Variants in FLACC1 observed in about 807,000 individuals in gnomAD.
FLACC1 encodes the protein flagellum associated containing coiled-coil domains 1.
FLACC1 carries 66 observed loss-of-function variants against 62.8 expected under a neutral mutation model. That is an observed-to-expected ratio of 1.05 (90% CI 0.86 to 1.29). The LOEUF is 1.29. Among genes scored for constraint, FLACC1 ranks in the 50% most tolerant of loss-of-function variants. FLACC1 has a pLI of 0.00. For synonymous variants in FLACC1, 156 were observed against 161.0 expected (o/e 0.97, Z 0.24); for missense variants, 452 against 489.1 (o/e 0.92, Z 0.71).
chr2:201,302,603 T>A (rs1242013379), intron 11 of FLACC1, among the ~76,000 whole-genome samples: 2 of 152,146 alleles, frequency 1.3e-5, no homozygotes, highest in African/African-American at 2.4e-5. Context: ...TACAGAACTC[T>A]CCACCCCAAA....
chr2:201,308,001 G>C (rs1000945470), intron 10 of FLACC1, among the ~76,000 whole-genome samples: 1 of 152,200 alleles, frequency 6.6e-6, no homozygotes, highest in Non-Finnish European at 1.5e-5. Context: ...AATTCATCCT[G>C]TACTTAGTGC....
At chr2:201,333,097 G>T (rs1950626325) in intron 7 of FLACC1, among the ~76,000 whole-genome samples, 1 of 152,084 alleles carries the variant, frequency 6.6e-6, no homozygotes, top group African/African-American at 2.4e-5. Context: ...GGATCATATG[G>T]TATTACTATT....
intron 10 of FLACC1, among the ~76,000 whole-genome samples, chr2:201,308,003 A>G (rs1950141177): frequency 6.6e-6 from 1 of 152,190 alleles, no homozygotes; most frequent in African/African-American, 2.4e-5. Context: ...TTCATCCTGT[A>G]CTTAGTGCTG....
chr2:201,330,587 T>C, intron 8 of FLACC1, 65 bp from the exon 9 acceptor site: 3 of 1,575,892 alleles, frequency 1.9e-6, no homozygotes, highest in Non-Finnish European at 8.7e-7. Context: ...CAAATTCAAA[T>C]GTGAGTTCTT....
chr2:201,339,909 T>G lies in FLACC1; in HGVS notation c.524+2461A>C, dbSNP rs568839538. Among the ~76,000 whole-genome samples, 26 of 152,174 alleles carry G rather than the reference T, an allele frequency of 1.7e-4. No homozygotes were observed. In the East Asian group the frequency reaches 3.9e-3, roughly 23 times the overall value. On this transcript the variant is annotated intron_variant, in intron 7 of 14. Transcript: ENST00000392257. ...GCAGGTAGGTAGGTTCACGGACCCATTGGCAGTGGGTGTGTTGTGGCTGAT... is the reference window on the plus strand; with the variant it reads ...GCAGGTAGGTAGGTTCACGGACCCAGTGGCAGTGGGTGTGTTGTGGCTGAT...
chr2:201,345,877 A>G (rs575835742), intron 5 of FLACC1, among the ~76,000 whole-genome samples: 2 of 152,202 alleles, frequency 1.3e-5, no homozygotes, highest in South Asian at 2.1e-4. Flanking sequence ...GACATAATGA[A>G]AAAGAGGCTG....
chr2:201,339,074 T>TTTTTTTTTTTTTTTTTTTTTTG (rs1950752663), intron 7 of FLACC1, among the ~76,000 whole-genome samples: 1 of 152,200 alleles, frequency 6.6e-6, no homozygotes, highest in African/African-American at 2.4e-5. Context: ...GACTTTTTAT[T>TTTTTTTTTTTTTTTTTTTTTTG]ACTGATTCAA....
rs979233408 is a variant in FLACC1, at chr2:201,352,442, A to G, written c.-47-991T>C. ...TATCTTCTTTCTTTTCCAGAATCCA[A>G]CTAAAATTAGAGTACAGCATTAAAA... On this transcript the variant is annotated intron_variant, in intron 1 of 14. Coordinates refer to ENST00000392257, the MANE Select transcript of FLACC1 (RefSeq NM_001127391.3). Among the ~76,000 whole-genome samples, 4 of 152,354 alleles carry G rather than the reference A, an allele frequency of 2.6e-5. No homozygotes were observed. The East Asian group carries it at 7.7e-4, about 29-fold the overall frequency.
At chr2:201,336,000 T>C (rs1195203463) in intron 7 of FLACC1, among the ~76,000 whole-genome samples, 1 of 152,100 alleles carries the variant, frequency 6.6e-6, no homozygotes, top group Non-Finnish European at 1.5e-5. Context: ...AATTTTTTTC[T>C]TTTTCCGTTT....
chr2:201,311,071 T>A (rs1037617882), intron 9 of FLACC1, among the ~76,000 whole-genome samples: 2 of 150,612 alleles, frequency 1.3e-5, no homozygotes, highest in Non-Finnish European at 3.0e-5. Context: ...AAACACAACC[T>A]CCAAAGATTG....
chr2:201,308,321 A>G (rs1455567516), intron 10 of FLACC1, among the ~76,000 whole-genome samples: 1 of 152,168 alleles, frequency 6.6e-6, no homozygotes, highest in African/African-American at 2.4e-5. Context: ...ATTCTAGGTA[A>G]AGCCCCAGAC....
At position 201,289,643 on chromosome 2, in the gene FLACC1, T is replaced by C. The variant is rs1317249249; in HGVS notation, c.1032+53A>G. ...GGCAGAGCTATATGGCAGAGCTGGA[T>C]GGAGACCTGGGTTCTTCCCCCAACC... is the stretch of plus-strand genomic sequence containing the variant. On this transcript the variant is annotated intron_variant, in intron 13 of 14. Coordinates refer to ENST00000392257, the MANE Select transcript of FLACC1 (RefSeq NM_001127391.3). 9.3e-5 allele frequency: 150 copies of C among 1,611,644 alleles called. 1 individual carries two copies. The highest frequency in any genetic ancestry group is 1.3e-4 in the Non-Finnish European group (149 of 1,178,392).
intron 12 of FLACC1, 116 bp from the exon 13 acceptor site, chr2:201,289,901 C>T (rs1279134016): frequency 6.4e-7 from 1 of 1,566,964 alleles, no homozygotes; most frequent in Admixed American, 1.7e-5. Flanking sequence ...TTGCATCACT[C>T]ATGGCCACTC....
At chr2:201,327,771 A>T (rs1365470707) in intron 9 of FLACC1, among the ~76,000 whole-genome samples, 1 of 152,214 alleles carries the variant, frequency 6.6e-6, no homozygotes, top group Non-Finnish European at 1.5e-5. Flanking sequence ...AAGAGCTAAA[A>T]GTAGATTTAC....
chr2:201,349,396 G>A (rs542314342), intron 3 of FLACC1, among the ~76,000 whole-genome samples: 75 of 152,196 alleles, frequency 4.9e-4, no homozygotes, highest in African/African-American at 1.7e-3. Flanking sequence ...TATCCCCACC[G>A]TCACAGCCCC....
intron 11 of FLACC1, among the ~76,000 whole-genome samples, chr2:201,301,155 C>T (rs550958623): frequency 6.6e-6 from 1 of 152,194 alleles, no homozygotes; most frequent in African/African-American, 2.4e-5. Flanking sequence ...GATGTTCGAA[C>T]CCATCACAAA....
chr2:201,334,293 A>G (rs1227966928), intron 7 of FLACC1, among the ~76,000 whole-genome samples: 2 of 152,150 alleles, frequency 1.3e-5, no homozygotes, highest in East Asian at 1.9e-4. Flanking sequence ...TGTGTGTCCA[A>G]CCGTTCTTGC....
At chr2:201,359,124 G>A (rs1951162071), upstream of FLACC1, among the ~76,000 whole-genome samples, 1 of 152,200 alleles carries the variant, frequency 6.6e-6, no homozygotes, top group Admixed American at 6.5e-5. Context: ...AGACATGATA[G>A]AACTTGGTGA....
At chr2:201,329,824 C>A (rs1950557528) in intron 9 of FLACC1, among the ~76,000 whole-genome samples, 1 of 152,180 alleles carries the variant, frequency 6.6e-6, no homozygotes, top group Non-Finnish European at 1.5e-5. Context: ...TCCCAAACCT[C>A]AGCATCACAC....
Sources: allele counts gnomAD v4.1 joint callset (sites outside exome capture counted in the v4.1 genomes callset), GRCh38; gene constraint gnomAD v4.1.1; transcripts MANE v1.5; gene names NCBI Gene and HGNC (gene_info 2026-07-23, HGNC 2026-07-21).